The following THSD4 variants were observed in gnomAD, a reference collection of about 807,000 sequenced individuals.
The protein encoded by THSD4 is thrombospondin type-1 domain-containing protein 4.
Under a neutral mutation model 119.0 loss-of-function variants are expected in THSD4, and 69 were observed. The observed-to-expected ratio is 0.58, with a 90% CI of 0.48 to 0.71. THSD4 has a LOEUF of 0.71. Ranked by LOEUF, THSD4 falls within the 30% of genes least tolerant of loss-of-function variation. The pLI is 0.00. For missense variants in THSD4, 1,393 were observed against 1,391.1 expected (o/e 1.00, Z -0.02); for synonymous variants, 524 against 540.4 (o/e 0.97, Z 0.42).
At chr15:71,101,904 G>A (rs1290084470) in intron 1 of THSD4, among the ~76,000 whole-genome samples, 1 of 151,986 alleles carries the variant, frequency 6.6e-6, no homozygotes, top group Non-Finnish European at 1.5e-5. Context: ...CGTAGAGACG[G>A]GGTTTCACCA....
intron 11 of THSD4, among the ~76,000 whole-genome samples, chr15:71,744,248 A>C (rs1032441732): frequency 1.3e-5 from 2 of 151,828 alleles, no homozygotes; most frequent in Non-Finnish European, 2.9e-5. Flanking sequence ...AATCCAATGA[A>C]AGTAAAACAA....
intron 9 of THSD4, 147 bp downstream of exon 9, chr15:71,728,871 C>T (rs2052918251): frequency 9.7e-7 from 1 of 1,031,480 alleles, no homozygotes; most frequent in Non-Finnish European, 1.4e-6. Context: ...TCCTTGAATG[C>T]TTGGCGTTCA....
At chr15:71,413,321 T>C (rs2046715500) in intron 7 of THSD4, among the ~76,000 whole-genome samples, 1 of 152,006 alleles carries the variant, frequency 6.6e-6, no homozygotes, top group African/African-American at 2.4e-5. Context: ...CTTCTACTCT[T>C]TTAGTTTTCT....
At chr15:71,101,986 T>C (rs1175135304) in intron 1 of THSD4, among the ~76,000 whole-genome samples, 1 of 152,188 alleles carries the variant, frequency 6.6e-6, no homozygotes, top group Admixed American at 6.5e-5. Context: ...GTGCTGGGAT[T>C]ACAGGCATGA....
intron 7 of THSD4, among the ~76,000 whole-genome samples, chr15:71,604,011 G>T (rs912221822): frequency 1.3e-5 from 2 of 152,070 alleles, no homozygotes; most frequent in African/African-American, 4.8e-5. Context: ...GAGAAAAGAG[G>T]TATAGAACAC....
intron 7 of THSD4, among the ~76,000 whole-genome samples, chr15:71,616,885 C>G (rs563706607): frequency 6.6e-6 from 1 of 152,210 alleles, no homozygotes; most frequent in African/African-American, 2.4e-5. Flanking sequence ...ATTAGGGCCA[C>G]TGTGCAGCAA....
intron 7 of THSD4, among the ~76,000 whole-genome samples, chr15:71,472,681 G>C (rs1344480440): frequency 1.3e-5 from 2 of 152,152 alleles, no homozygotes; most frequent in South Asian, 4.1e-4. Flanking sequence ...CTCCTGATGC[G>C]TCTTGGAAGT....
At chr15:71,558,098 T>C (rs8031985) in intron 7 of THSD4, among the ~76,000 whole-genome samples, 124,588 of 152,084 alleles carry the variant, frequency 0.82, 51,329 homozygotes, top group African/African-American at 0.87. Flanking sequence ...GAGGTCGAGG[T>C]GGGCAGATCA....
chr15:71,673,743 A>G lies in THSD4; in HGVS notation c.1357+13009A>G, dbSNP rs192018393. Among the ~76,000 whole-genome samples the G allele has an allele frequency of 8.4e-3, 1,283 of 152,240 alleles. 16 individuals are homozygous for G. The highest frequency in any genetic ancestry group is 0.048 in the Middle Eastern group (14 of 294). On this transcript the variant is annotated intron_variant, in intron 8 of 17. Coordinates refer to ENST00000261862, the MANE Select transcript of THSD4 (RefSeq NM_024817.3). ...TCTTTATTTCTGTCTTCATTTCGTTATGTACCCAGTAGTCATTTCAGGAGC... is the reference window on the plus strand; with the variant it reads ...TCTTTATTTCTGTCTTCATTTCGTTGTGTACCCAGTAGTCATTTCAGGAGC...
intron 6 of THSD4, among the ~76,000 whole-genome samples, chr15:71,377,914 A>ACACACACACACACACACACACACACAC (rs57687864): frequency 1.4e-5 from 2 of 146,144 alleles, no homozygotes; most frequent in African/African-American, 2.5e-5. Flanking sequence ...ACACACACAC[A>ACACACACACACACACACACACACACAC]ATTTCCTTCA....
chr15:71,762,750 AG>A (rs1338610317), intron 15 of THSD4, among the ~76,000 whole-genome samples: 2 of 152,236 alleles, frequency 1.3e-5, no homozygotes, highest in African/African-American at 4.8e-5. Context: ...GGAAGAAAAT[AG>A]GAGAAACAGA....
At chr15:71,398,977 G>A (rs1454338079) in intron 6 of THSD4, among the ~76,000 whole-genome samples, 1 of 152,036 alleles carries the variant, frequency 6.6e-6, no homozygotes, top group Non-Finnish European at 1.5e-5. Flanking sequence ...ATCCAAGCAG[G>A]ATGGGAGTAG....
intron 7 of THSD4, among the ~76,000 whole-genome samples, chr15:71,629,596 G>A (rs921804708): frequency 6.6e-5 from 10 of 152,134 alleles, no homozygotes; most frequent in African/African-American, 1.4e-4. Flanking sequence ...CAGCTCTAGA[G>A]GATGTGACAC....
intron 6 of THSD4, among the ~76,000 whole-genome samples, chr15:71,388,989 C>A (rs2046332685): frequency 2.6e-5 from 4 of 151,912 alleles, no homozygotes; most frequent in Non-Finnish European, 5.9e-5. Context: ...AAGGGGAAAC[C>A]CCTTTTGCTT....
chr15:71,526,803 T>C (rs2048527353), intron 7 of THSD4, among the ~76,000 whole-genome samples: 1 of 152,232 alleles, frequency 6.6e-6, no homozygotes, highest in Non-Finnish European at 1.5e-5. Flanking sequence ...TGTATTTGAT[T>C]CAACCTAGAA....
chr15:71,404,202 T>G (rs1441364), intron 6 of THSD4, among the ~76,000 whole-genome samples: 27,617 of 152,132 alleles, frequency 0.18, 2,816 homozygotes, highest in South Asian at 0.26. Context: ...ACATTTTCCT[T>G]ATCCTAAGAA....
At chr15:71,656,081 T>G (rs1270756336) in intron 7 of THSD4, among the ~76,000 whole-genome samples, 1 of 152,218 alleles carries the variant, frequency 6.6e-6, no homozygotes, top group Non-Finnish European at 1.5e-5. Flanking sequence ...ACCTAATGAT[T>G]ATACAGCTGT....
intron 5 of THSD4, among the ~76,000 whole-genome samples, chr15:71,244,914 T>C (rs892623703): frequency 6.6e-6 from 1 of 152,218 alleles, no homozygotes. Flanking sequence ...GAGAGGGCAT[T>C]TGGCATCCGT....
At chr15:71,282,836 C>T (rs1391473819) in intron 6 of THSD4, among the ~76,000 whole-genome samples, 1 of 152,122 alleles carries the variant, frequency 6.6e-6, no homozygotes, top group African/African-American at 2.4e-5. Flanking sequence ...AGCCTGGGCC[C>T]TATAACAGAG....
Sources: allele counts gnomAD v4.1 joint callset (sites outside exome capture counted in the v4.1 genomes callset), GRCh38; gene constraint gnomAD v4.1.1; transcripts MANE v1.5; gene names NCBI Gene and HGNC (gene_info 2026-07-23, HGNC 2026-07-21).